UBE2A: variants seen among roughly 807,000 people sequenced by gnomAD.
UBE2A encodes the protein ubiquitin conjugating enzyme E2 A.
For missense variants in UBE2A, 27 were observed against 125.8 expected (o/e 0.21, Z 3.76); for synonymous variants, 39 against 41.1 (o/e 0.95, Z 0.20).
rs5957188 is a variant in UBE2A at position 119,574,839 on chromosome X, G to A, written c.45-62G>A. 4.0e-3 allele frequency: 4,850 copies of A among 1,200,353 alleles called. 126 individuals carry two copies. In the African/African-American group the frequency reaches 0.073, roughly 18 times the overall value. Reference sequence around the variant, plus strand: ...GAGGCGCGCCGGGCGGGGAGGGCTGGGGAGCGGCCGGGAGCGGGCGCCAGT... The same window carrying A: ...GAGGCGCGCCGGGCGGGGAGGGCTGAGGAGCGGCCGGGAGCGGGCGCCAGT... On this transcript the variant is annotated intron_variant, in intron 1 of 5. Coordinates refer to ENST00000371558, the MANE Select transcript of UBE2A (RefSeq NM_003336.4).
chrX:119,574,859 G>T, intron 1 of UBE2A, 42 bp from the exon 2 acceptor site: 4 of 1,206,232 alleles, frequency 3.3e-6, no homozygotes, highest in Non-Finnish European at 4.5e-6. Flanking sequence ...GGGAGCGGGC[G>T]CCAGTGCCGG....
rs1410044847 is a variant in UBE2A at position 119,574,622 on chromosome X, TCTC to T, written c.-87_-85del. 2.0e-5 allele frequency: 22 copies of T among 1,109,696 alleles called. No individual in the cohort carries two copies. In the Admixed American group the frequency reaches 2.3e-4, roughly 12 times the overall value. 91.5% of individuals were successfully genotyped at this position (1,109,696 alleles called of 1,213,427 possible). A position where few individuals can be genotyped will look rare whatever the true frequency, so the allele number is the denominator to read the frequency against. ...TCCTCTGGGTGCTTCCGCCTCCCCT[TCTC>T]CTGCTTCTCCAGCCTCTTCGGCCTC... On this transcript the variant is annotated 5_prime_UTR_variant, in exon 1 of 6. Transcript: ENST00000371558.
chrX:119,577,432 G>T (rs1159013804), intron 3 of UBE2A, among the ~76,000 whole-genome samples: 3 of 110,534 alleles, frequency 2.7e-5, no homozygotes, highest in African/African-American at 9.9e-5. Flanking sequence ...AATTGAAAAG[G>T]TACTTACAGA....
chrX:119,580,992 T>G (rs1159756487), intron 3 of UBE2A: 1 of 112,460 alleles, frequency 8.9e-6, no homozygotes, highest in Non-Finnish European at 1.9e-5. Flanking sequence ...AGGGTCACTA[T>G]GACATGAAAA....
At chrX:119,575,012 A>G (rs1352473186) in intron 2 of UBE2A, 31 bp downstream of exon 2, 1 of 1,201,227 alleles carries the variant, frequency 8.3e-7, no homozygotes, top group South Asian at 1.8e-5. Context: ...GTGGCGAGAA[A>G]ACTGGGGACG....
At chrX:119,582,564 A>T in intron 4 of UBE2A, 24 bp from the exon 5 acceptor site, 1 of 1,133,152 alleles carries the variant, frequency 8.8e-7, no homozygotes, top group Non-Finnish European at 1.2e-6. Context: ...GTTACGTTTA[A>T]TGTACCTACT....
At chrX:119,578,847 G>A (rs995035325) in intron 3 of UBE2A, among the ~76,000 whole-genome samples, 2 of 111,472 alleles carry the variant, frequency 1.8e-5, no homozygotes, top group African/African-American at 6.5e-5. Flanking sequence ...TAGCCTCCTC[G>A]GGAAGATGAA....
At chrX:119,575,181 G>T (rs1483359207) in intron 2 of UBE2A, 194 bp from the exon 3 acceptor site, 1 of 731,884 alleles carries the variant, frequency 1.4e-6, no homozygotes, top group Non-Finnish European at 2.0e-6. Context: ...GGTTCTAGGG[G>T]GGCGGGGCGG....
At chrX:119,582,349 C>G in intron 4 of UBE2A, 1 of 235,904 alleles carries the variant, frequency 4.2e-6, no homozygotes, top group Non-Finnish European at 7.6e-6. Context: ...CAGCCTTTTC[C>G]AAAGGATGAA....
At chrX:119,575,092 G>C (rs1186966892) in intron 2 of UBE2A, 111 bp downstream of exon 2, 1 of 991,647 alleles carries the variant, frequency 1.0e-6, no homozygotes, top group Non-Finnish European at 1.4e-6. Context: ...AAAATGTTTG[G>C]GTCTGGCTGG....
At chrX:119,582,966 G>A (rs2053459923) in intron 5 of UBE2A, among the ~76,000 whole-genome samples, 161 bp from the exon 6 acceptor site, 1 of 108,623 alleles carries the variant, frequency 9.2e-6, no homozygotes, top group African/African-American at 3.3e-5. Flanking sequence ...AAAAAAAGCC[G>A]CATATATTTT....
At chrX:119,577,129 T>G (rs2053421019) in intron 3 of UBE2A, 1 of 111,467 alleles carries the variant, frequency 9.0e-6, no homozygotes. Flanking sequence ...TTCACCATGT[T>G]GGCCAGGCTG....
chrX:119,575,113 C>T, intron 2 of UBE2A, 132 bp downstream of exon 2: 2 of 881,503 alleles, frequency 2.3e-6, no homozygotes, highest in Middle Eastern at 2.9e-4. Context: ...GCCTAGGCGC[C>T]TCCCCGGAGC....
chrX:119,582,515 T>G, intron 4 of UBE2A, 73 bp from the exon 5 acceptor site: 1 of 797,335 alleles, frequency 1.3e-6, no homozygotes, highest in East Asian at 3.3e-5. Flanking sequence ...TTCTTGACTA[T>G]TTTTGTTTTG....
At chrX:119,577,884 C>T (rs1362675280) in intron 3 of UBE2A, among the ~76,000 whole-genome samples, 1 of 110,224 alleles carries the variant, frequency 9.1e-6, no homozygotes, top group Non-Finnish European at 1.9e-5. Flanking sequence ...TGAGGTGATC[C>T]GCCCACCTCG....
Position 119,574,653 on chromosome X carries a change from C to A in UBE2A, c.-59C>A. ...GCTTCTCCAGCCTCTTCGGCCTCCT[C>A]GCCCGCCGCGGGAACCCGAGACCCC... On this transcript the variant is annotated 5_prime_UTR_variant, in exon 1 of 6. Coordinates refer to ENST00000371558, the MANE Select transcript of UBE2A (RefSeq NM_003336.4). 1 of 1,166,585 alleles carries A rather than the reference C, an allele frequency of 8.6e-7. No individual in the cohort carries two copies. The highest frequency in any genetic ancestry group is 1.1e-6 in the Non-Finnish European group (1 of 870,999).
chrX:119,583,961 T>C lies in UBE2A; in HGVS notation c.*706T>C, dbSNP rs186621711. ...CTGGGTTTTTGCTTTTTAAAAGAGG[T>C]GTGGGAGCAGAGGAATGGAAACAAT... On this transcript the variant is annotated 3_prime_UTR_variant, in exon 6 of 6. Transcript: ENST00000371558. 3.3e-4 allele frequency: 37 copies of C among 112,330 alleles called. No homozygotes were observed. The highest frequency in any genetic ancestry group is 3.6e-4 in the Non-Finnish European group (19 of 53,387). The allele number at this position is 112,330 out of a possible 1,213,427, so 9.3% of individuals were successfully genotyped here.
intron 3 of UBE2A, 131 bp from the exon 4 acceptor site, chrX:119,581,376 C>G: frequency 2.2e-6 from 1 of 448,241 alleles, no homozygotes; most frequent in East Asian, 3.7e-5. Flanking sequence ...TATTTCTTAC[C>G]TGGCCTTTCC....
At chrX:119,582,814 C>T (rs925823587) in intron 5 of UBE2A, 138 bp downstream of exon 5, 14 of 574,223 alleles carry the variant, frequency 2.4e-5, no homozygotes, top group Middle Eastern at 5.2e-4. Context: ...GAAAAGTAGA[C>T]CATTAAGACC....
Sources: gnomAD v4.1 joint callset for allele counts (sites outside exome capture counted in the v4.1 genomes callset) on GRCh38, gnomAD v4.1.1 for gene constraint, MANE v1.5 for transcripts, NCBI Gene and HGNC (gene_info 2026-07-23, HGNC 2026-07-21) for gene names.